The following MED13 variants were observed in gnomAD, a reference collection of about 807,000 sequenced individuals.
MED13 encodes the protein mediator complex subunit 13, also known as mediator of RNA polymerase II transcription subunit 13.
Under a neutral mutation model 225.2 loss-of-function variants are expected in MED13, and 23 were observed. That is an observed-to-expected ratio of 0.10 (90% CI 0.07 to 0.14). MED13 has a LOEUF of 0.14. Ranked by LOEUF, MED13 falls within the 10% of genes least tolerant of loss-of-function variation. MED13 has a pLI of 1.00. For synonymous variants in MED13, 942 were observed against 889.2 expected (o/e 1.06, Z -1.06); for missense variants, 2,197 against 2,594.5 (o/e 0.85, Z 3.33).
intron 28 of MED13, among the ~76,000 whole-genome samples, chr17:61,948,030 G>GAT (rs2079865165): frequency 6.6e-6 from 1 of 152,080 alleles, no homozygotes; most frequent in Non-Finnish European, 1.5e-5. Flanking sequence ...ACAAACTCTT[G>GAT]ATTTATGGAG....
intron 3 of MED13, among the ~76,000 whole-genome samples, chr17:62,051,340 T>C (rs1197213906): frequency 6.6e-6 from 1 of 152,184 alleles, no homozygotes. Flanking sequence ...GATGTAAAAA[T>C]GGCACAGAGA....
chr17:61,988,349 A>G (rs1206904598), intron 11 of MED13, among the ~76,000 whole-genome samples: 2 of 152,222 alleles, frequency 1.3e-5, no homozygotes, highest in Non-Finnish European at 2.9e-5. Flanking sequence ...ACCAATTACA[A>G]TGAAAATTAA....
At chr17:62,043,597 A>G (rs539889114) in intron 3 of MED13, among the ~76,000 whole-genome samples, 216 of 152,312 alleles carry the variant, frequency 1.4e-3, no homozygotes, top group Non-Finnish European at 2.5e-3. Flanking sequence ...AATAAACACT[A>G]CCAAGTTCAA....
chr17:61,965,029 C>T lies in MED13; in HGVS notation c.4821G>A (p.Gln1607=). The T allele has an allele frequency of 1.2e-6, 2 of 1,614,038 alleles. No individual in the cohort carries two copies. Among genetic ancestry groups the T allele is most frequent in the Non-Finnish European group, 1.7e-6 (2 of 1,179,948 alleles). The change falls in exon 20 of 30, where the codon CAG becomes CAA. Residue 1607 remains glutamine (Q), a synonymous_variant. Transcript: ENST00000397786. ...ACCTTTCAGACACATCAGGATGCGG[C>T]TGAGTGGGAAGTGAAGATGATTCTC... ...ISGESSSLPT[Q]PHPDVSESTM...
At chr17:62,041,663 A>G in intron 3 of MED13, among the ~76,000 whole-genome samples, 1 of 151,306 alleles carries the variant, frequency 6.6e-6, no homozygotes, top group Non-Finnish European at 1.5e-5. Flanking sequence ...TGCAGCTTCC[A>G]CCTCCTGAGC....
chr17:62,007,386 A>G (rs2080460191), intron 9 of MED13: 1 of 152,262 alleles, frequency 6.6e-6, no homozygotes, highest in Non-Finnish European at 1.5e-5. Context: ...TCAGTTGAGA[A>G]TGTTTTTAAA....
At chr17:62,005,539 G>A (rs2080438551) in intron 9 of MED13, 1 of 152,386 alleles carries the variant, frequency 6.6e-6, no homozygotes, top group East Asian at 1.9e-4. Flanking sequence ...CTGGGAGGTG[G>A]AAGTTGCAGT....
intron 16 of MED13, among the ~76,000 whole-genome samples, chr17:61,978,080 T>A (rs2080171872): frequency 6.6e-6 from 1 of 152,012 alleles, no homozygotes; most frequent in South Asian, 2.1e-4. Flanking sequence ...TTATAAAGAG[T>A]GCCACTAATC....
chr17:61,988,819 T>G (rs977528518), intron 11 of MED13, among the ~76,000 whole-genome samples: 31 of 152,104 alleles, frequency 2.0e-4, no homozygotes, highest in African/African-American at 7.5e-4. Flanking sequence ...GTACTTTTTT[T>G]TATGTTGGGA....
chr17:62,060,899 CA>C (rs2081034142), intron 2 of MED13, among the ~76,000 whole-genome samples: 1 of 151,940 alleles, frequency 6.6e-6, no homozygotes, highest in Non-Finnish European at 1.5e-5. Flanking sequence ...GGGGTTTCAC[CA>C]TGTTGGCCAG....
intron 21 of MED13, 135 bp from the exon 22 acceptor site, chr17:61,961,914 T>C: frequency 1.2e-6 from 1 of 840,802 alleles, no homozygotes; most frequent in South Asian, 1.7e-5. Flanking sequence ...TTAACGATTG[T>C]TTTCTTATCT....
At chr17:61,956,518 T>C in intron 23 of MED13, 37 bp from the exon 24 acceptor site, 2 of 1,563,502 alleles carry the variant, frequency 1.3e-6, no homozygotes, top group Non-Finnish European at 1.7e-6. Context: ...TAAATATTTC[T>C]AAAATTTATA....
intron 3 of MED13, among the ~76,000 whole-genome samples, chr17:62,036,538 A>G (rs2080805335): frequency 6.6e-6 from 1 of 152,214 alleles, no homozygotes; most frequent in African/African-American, 2.4e-5. Flanking sequence ...TTCATCCTTA[A>G]AAGTTTTTTA....
chr17:62,017,735 T>A (rs2080596754), intron 8 of MED13, among the ~76,000 whole-genome samples: 1 of 152,192 alleles, frequency 6.6e-6, no homozygotes, highest in African/African-American at 2.4e-5. Context: ...TATGATAGTA[T>A]CACTTAAGAA....
intron 16 of MED13, among the ~76,000 whole-genome samples, chr17:61,981,547 A>G (rs2080204656): frequency 6.6e-6 from 1 of 152,164 alleles, no homozygotes; most frequent in Non-Finnish European, 1.5e-5. Context: ...TTCCTCAAAC[A>G]TGTAAAAGCA....
chr17:62,058,958 C>T (rs1418788629), intron 2 of MED13, among the ~76,000 whole-genome samples: 1 of 152,090 alleles, frequency 6.6e-6, no homozygotes, highest in Non-Finnish European at 1.5e-5. Flanking sequence ...AGGAAGGTAA[C>T]CCAAACAAAT....
At chr17:62,046,974 G>A (rs2080903214) in intron 3 of MED13, among the ~76,000 whole-genome samples, 1 of 151,320 alleles carries the variant, frequency 6.6e-6, no homozygotes, top group African/African-American at 2.4e-5. Context: ...TCCCACCTCA[G>A]TCTTCAGAGT....
intron 8 of MED13, among the ~76,000 whole-genome samples, chr17:62,018,856 A>T (rs530314573): frequency 1.3e-5 from 2 of 152,310 alleles, no homozygotes; most frequent in Admixed American, 1.3e-4. Context: ...ATATTTAGAG[A>T]TGAGTATATA....
intron 10 of MED13, among the ~76,000 whole-genome samples, chr17:61,993,898 T>A: frequency 6.6e-6 from 1 of 150,976 alleles, no homozygotes; most frequent in Admixed American, 6.6e-5. Flanking sequence ...AACTTTGCAC[T>A]CCAGCCTGGG....
Sources: gnomAD v4.1 joint callset for allele counts (sites outside exome capture counted in the v4.1 genomes callset) on GRCh38, gnomAD v4.1.1 for gene constraint, MANE v1.5 for transcripts, NCBI Gene and HGNC (gene_info 2026-07-23, HGNC 2026-07-21) for gene names.